PKP4: variants seen among roughly 807,000 people sequenced by gnomAD.
The protein encoded by PKP4 is plakophilin 4, also known as plakophilin-4.
Under a neutral mutation model 145.1 loss-of-function variants are expected in PKP4, and 90 were observed. The observed-to-expected ratio is 0.62, with a 90% CI of 0.52 to 0.74. PKP4 has a LOEUF of 0.74. Ranked by LOEUF, PKP4 falls within the 30% of genes least tolerant of loss-of-function variation. The probability of loss-of-function intolerance (pLI) is 0.00; values close to 1 mark genes in which losing one functional copy is unlikely to be tolerated. For synonymous variants in PKP4, 563 were observed against 577.2 expected, an observed-to-expected ratio of 0.98 and a Z score of 0.35; for missense variants, 1,340 against 1,482.7, an observed-to-expected ratio of 0.90 and a Z score of 1.58.
In PKP4 at chr2:158,680,483, T is replaced by A; in HGVS notation, c.3385T>A (p.Tyr1129Asn). Residue 1129 changes from tyrosine (Y) to asparagine (N), a missense_variant, in exon 22 of 22, where the codon TAC becomes AAC. Transcript: ENST00000389759. ...CTCCAACAGAAAGAACTTTGATGCA[T>A]ACAGATTGTATTTGCAGTCTCCTCA... ...DDSNRKNFDA[Y>N]RLYLQSPHSY... 6.2e-7 allele frequency: 1 copy of A among 1,613,166 alleles called. No homozygotes were observed. The highest frequency in any genetic ancestry group is 8.5e-7 in the Non-Finnish European group (1 of 1,179,092).
At chr2:158,516,241 C>G (rs1380119925) in intron 1 of PKP4, among the ~76,000 whole-genome samples, 1 of 152,050 alleles carries the variant, frequency 6.6e-6, no homozygotes, top group East Asian at 1.9e-4. Flanking sequence ...TTTCTTTGGT[C>G]TGGGGCAGGC....
Position 158,642,848 on chromosome 2 carries a change from T to TA in PKP4, c.1909+150dup, listed in dbSNP as rs540054489. 1,572 of 488,994 alleles carry TA rather than the reference T, an allele frequency of 3.2e-3. 22 individuals are homozygous for TA. The highest frequency in any genetic ancestry group is 0.027 in the African/African-American group (1,417 of 51,994). The allele number at this position is 488,994 out of a possible 1,614,324, so 30.3% of individuals were successfully genotyped here. A position where few individuals can be genotyped will look rare whatever the true frequency, so the allele number is the denominator to read the frequency against. On this transcript the variant is annotated intron_variant, in intron 11 of 21. Coordinates refer to ENST00000389759, the MANE Select transcript of PKP4 (RefSeq NM_003628.6). ...GCTCACAACTGTGAAGGCTGAGAAT[T>TA]ATTTAGTCTAATGAGTCAGAAACCG...
At chr2:158,640,978 C>T (rs1027370326) in intron 10 of PKP4, among the ~76,000 whole-genome samples, 1 of 152,158 alleles carries the variant, frequency 6.6e-6, no homozygotes, top group Non-Finnish European at 1.5e-5. Context: ...ATTTTCAAAT[C>T]GTATGTCTAC....
intron 4 of PKP4, among the ~76,000 whole-genome samples, chr2:158,619,328 G>A (rs964208688): frequency 3.9e-5 from 6 of 152,166 alleles, no homozygotes; most frequent in Non-Finnish European, 8.8e-5. Flanking sequence ...TTTAATCTTT[G>A]TTGAAATTCC....
chr2:158,594,800 G>T lies in PKP4; in HGVS notation c.246-8270G>T, dbSNP rs1012204850. Among the ~76,000 whole-genome samples the T allele has an allele frequency of 3.3e-5, 5 of 152,160 alleles. No homozygotes were observed. In the South Asian group the frequency reaches 1.0e-3, roughly 32 times the overall value. ...ATTGCTTTCAGAATATTTTTGCTAA[G>T]AAATCATTACTGCCTGGATTTGTGA... On this transcript the variant is annotated intron_variant, in intron 3 of 21. Transcript: ENST00000389759.
At chr2:158,663,193 C>G in intron 14 of PKP4, 79 bp from the exon 15 acceptor site, 2 of 1,520,774 alleles carry the variant, frequency 1.3e-6, no homozygotes, top group Admixed American at 1.9e-5. Flanking sequence ...ATAGCTGAGT[C>G]CCGCAAAGGT....
intron 2 of PKP4, among the ~76,000 whole-genome samples, chr2:158,547,849 C>A (rs2045221034): frequency 6.6e-6 from 1 of 152,128 alleles, no homozygotes; most frequent in African/African-American, 2.4e-5. Flanking sequence ...TGAGCAGACA[C>A]CTGAGTGAAA....
At chr2:158,576,655 A>G (rs760333809) in intron 2 of PKP4, among the ~76,000 whole-genome samples, 3 of 152,204 alleles carry the variant, frequency 2.0e-5, no homozygotes, top group Non-Finnish European at 2.9e-5. Context: ...TTTAAATTCT[A>G]TGTTATGGCT....
intron 16 of PKP4, among the ~76,000 whole-genome samples, chr2:158,668,600 T>C (rs1001656819): frequency 8.5e-5 from 13 of 152,242 alleles, no homozygotes; most frequent in African/African-American, 3.1e-4. Flanking sequence ...AAATTACATG[T>C]CATGGGCCTT....
At chr2:158,617,190 A>G (rs1050110075) in intron 4 of PKP4, among the ~76,000 whole-genome samples, 13 of 152,230 alleles carry the variant, frequency 8.5e-5, no homozygotes, top group African/African-American at 3.1e-4. Flanking sequence ...TCTTAGGCAC[A>G]AATGGAGATT....
chr2:158,479,298 A>G (rs998568314), intron 1 of PKP4, among the ~76,000 whole-genome samples: 23 of 151,998 alleles, frequency 1.5e-4, no homozygotes, highest in Admixed American at 1.3e-3. Flanking sequence ...ATCTTGGCCC[A>G]CTGCAGCCTC....
At chr2:158,482,204 A>G (rs960982750) in intron 1 of PKP4, among the ~76,000 whole-genome samples, 8 of 152,242 alleles carry the variant, frequency 5.3e-5, no homozygotes, top group African/African-American at 1.9e-4. Flanking sequence ...GGACACTGCA[A>G]ATATACATTT....
intron 1 of PKP4, among the ~76,000 whole-genome samples, chr2:158,474,475 G>C (rs1692130339): frequency 1.3e-5 from 2 of 152,188 alleles, no homozygotes. Context: ...TACATCGGAA[G>C]TGTCAAAGTT....
intron 1 of PKP4, among the ~76,000 whole-genome samples, chr2:158,489,805 A>T (rs1037442115): frequency 3.9e-5 from 6 of 152,198 alleles, no homozygotes; most frequent in Admixed American, 3.9e-4. Context: ...ATTTTAAAAA[A>T]CATAATTATG....
chr2:158,540,593 T>G (rs1303364087), intron 2 of PKP4, among the ~76,000 whole-genome samples: 1 of 152,172 alleles, frequency 6.6e-6, no homozygotes, highest in Non-Finnish European at 1.5e-5. Context: ...ATAGAGTAAT[T>G]GACACATTAT....
Position 158,523,396 on chromosome 2 carries a change from T to C in PKP4, c.-5-9784T>C, listed in dbSNP as rs754982621. ...CACTGACACCTCACACGGCAGGGTA[T>C]TCCAACAGACCTGCAGCTGAGGGTC... is the stretch of plus-strand genomic sequence containing the variant. On this transcript the variant is annotated intron_variant, in intron 1 of 21. Transcript: ENST00000389759. Among the ~76,000 whole-genome samples the C allele has an allele frequency of 2.8e-3, 295 of 106,778 alleles. 3 individuals carry two copies. The highest frequency in any genetic ancestry group is 8.1e-3 in the Middle Eastern group (2 of 246). The allele number at this position is 106,778 out of a possible 152,430, so 70.1% of individuals were successfully genotyped here. A position where few individuals can be genotyped will look rare whatever the true frequency, so the allele number is the denominator to read the frequency against.
intron 1 of PKP4, among the ~76,000 whole-genome samples, chr2:158,474,377 A>G (rs1692111852): frequency 6.6e-6 from 1 of 152,232 alleles, no homozygotes; most frequent in Non-Finnish European, 1.5e-5. Flanking sequence ...ATTAGAACCA[A>G]AAGATCTAGG....
chr2:158,578,812 A>G (rs1574588371), intron 3 of PKP4, among the ~76,000 whole-genome samples: 1 of 152,216 alleles, frequency 6.6e-6, no homozygotes, highest in East Asian at 1.9e-4. Context: ...ATAAAGACCA[A>G]TACCTAGAGG....
At chr2:158,529,539 T>A (rs903961697) in intron 1 of PKP4, among the ~76,000 whole-genome samples, 1 of 152,222 alleles carries the variant, frequency 6.6e-6, no homozygotes, top group Non-Finnish European at 1.5e-5. Flanking sequence ...TTCCTGTTAA[T>A]GTGCTGCCCT....
Sources: gnomAD v4.1 joint callset for allele counts (sites outside exome capture counted in the v4.1 genomes callset) on GRCh38, gnomAD v4.1.1 for gene constraint, MANE v1.5 for transcripts, NCBI Gene and HGNC (gene_info 2026-07-23, HGNC 2026-07-21) for gene names.